WDR41: variants seen among roughly 807,000 people sequenced by gnomAD.
WDR41 encodes the protein WD repeat domain 41.
In WDR41, 63 loss-of-function variants were observed where a neutral mutation model predicts 69.3. That is an observed-to-expected ratio of 0.91 (90% CI 0.74 to 1.12). The LOEUF (loss-of-function observed/expected upper bound fraction) is 1.12. Among genes scored for constraint, WDR41 ranks in the 50% most tolerant of loss-of-function variants. The probability of loss-of-function intolerance (pLI) is 0.00; values close to 1 mark genes in which losing one functional copy is unlikely to be tolerated. For missense variants in WDR41, 543 were observed against 534.5 expected (o/e 1.02, Z -0.16); for synonymous variants, 185 against 192.1 (o/e 0.96, Z 0.31).
intron 1 of WDR41, among the ~76,000 whole-genome samples, chr5:77,588,908 C>A (rs1444757982): frequency 6.6e-6 from 1 of 152,188 alleles, no homozygotes; most frequent in East Asian, 1.9e-4. Context: ...TAGAGCACAT[C>A]ACTGCCTTCT....
intron 2 of WDR41, among the ~76,000 whole-genome samples, chr5:77,470,980 T>A (rs955223131): frequency 2.6e-5 from 4 of 152,232 alleles, no homozygotes; most frequent in African/African-American, 4.8e-5. Context: ...TACATTCTTC[T>A]CAGCATCACA....
intron 2 of WDR41, among the ~76,000 whole-genome samples, chr5:77,474,526 T>C (rs1014694518): frequency 1.3e-5 from 2 of 152,176 alleles, no homozygotes; most frequent in African/African-American, 4.8e-5. Context: ...GATAGGGACT[T>C]GTAAAGGAGT....
chr5:77,590,394 C>A (rs867140686), intron 1 of WDR41, among the ~76,000 whole-genome samples: 2 of 152,162 alleles, frequency 1.3e-5, no homozygotes, highest in Admixed American at 1.3e-4. Context: ...TTAAGACATA[C>A]AACGCCCAGA....
At chr5:77,550,426 T>C (rs185430075) in intron 1 of WDR41, among the ~76,000 whole-genome samples, 16 of 152,044 alleles carry the variant, frequency 1.1e-4, no homozygotes, top group African/African-American at 3.9e-4. Context: ...CTTTAAAAGA[T>C]AGGCAAAAGA....
intron 1 of WDR41, among the ~76,000 whole-genome samples, chr5:77,540,103 G>A (rs7729096): frequency 0.11 from 16,517 of 152,194 alleles, 1,924 homozygotes; most frequent in African/African-American, 0.27. Flanking sequence ...AACCAGCTAA[G>A]AGGGAAATGA....
intron 1 of WDR41, among the ~76,000 whole-genome samples, chr5:77,567,064 T>G (rs1370843845): frequency 6.6e-6 from 1 of 152,094 alleles, no homozygotes; most frequent in East Asian, 1.9e-4. Context: ...TAAAAACAAA[T>G]GAGGTAGAGC....
intron 1 of WDR41, among the ~76,000 whole-genome samples, chr5:77,531,798 A>T (rs1802532768): frequency 6.6e-6 from 1 of 152,046 alleles, no homozygotes; most frequent in Non-Finnish European, 1.5e-5. Context: ...TGATACATGC[A>T]ACAAGGTGGA....
chr5:77,611,007 T>C (rs1269025356), intron 1 of WDR41, among the ~76,000 whole-genome samples: 1 of 152,202 alleles, frequency 6.6e-6, no homozygotes, highest in Non-Finnish European at 1.5e-5. Context: ...GTTGCAATCC[T>C]AGTCTCTGAT....
chr5:77,531,309 C>T (rs931405058), intron 1 of WDR41, among the ~76,000 whole-genome samples: 7 of 151,812 alleles, frequency 4.6e-5, no homozygotes, highest in African/African-American at 1.5e-4. Flanking sequence ...AACTCAACAA[C>T]AAAATGACAA....
intron 1 of WDR41, among the ~76,000 whole-genome samples, chr5:77,533,416 G>A (rs1372119709): frequency 6.6e-6 from 1 of 152,164 alleles, no homozygotes; most frequent in Non-Finnish European, 1.5e-5. Context: ...TAATAGTGTT[G>A]AGTGGGAAAA....
At chr5:77,610,468 T>C (rs1216500760) in intron 1 of WDR41, among the ~76,000 whole-genome samples, 2 of 151,988 alleles carry the variant, frequency 1.3e-5, no homozygotes, top group East Asian at 3.9e-4. Flanking sequence ...CAGCAGAAAC[T>C]CTACAAGCCA....
rs144467580 is a variant in WDR41 at position 77,455,381 on chromosome 5, A to C, written c.412-1453T>G. Among the ~76,000 whole-genome samples the C allele has an allele frequency of 9.1e-3, 1,383 of 152,318 alleles. 24 individuals carry two copies. The highest frequency in any genetic ancestry group is 0.03 in the African/African-American group (1,239 of 41,574). ...ATATTGTAGACACAAGTCCCTTATC[A>C]GATATACAATTTGAAAATATTTTCT... On this transcript the variant is annotated intron_variant, in intron 5 of 12. Transcript: ENST00000296679.
intron 1 of WDR41, among the ~76,000 whole-genome samples, chr5:77,557,061 C>G (rs1743416993): frequency 6.6e-6 from 1 of 152,056 alleles, no homozygotes; most frequent in Non-Finnish European, 1.5e-5. Context: ...ATCCCTTTTA[C>G]ACACATAAAC....
At chr5:77,592,235 G>A (rs1744148739) in intron 1 of WDR41, among the ~76,000 whole-genome samples, 1 of 151,966 alleles carries the variant, frequency 6.6e-6, no homozygotes, top group African/African-American at 2.4e-5. Flanking sequence ...TTAAGGTATG[G>A]CACTATAAGC....
At chr5:77,610,417 T>A (rs1288398472) in intron 1 of WDR41, among the ~76,000 whole-genome samples, 4 of 152,212 alleles carry the variant, frequency 2.6e-5, no homozygotes, top group Non-Finnish European at 5.9e-5. Flanking sequence ...AAGGTCGGGT[T>A]ACCCACAAAG....
chr5:77,438,171 A>C, intron 10 of WDR41, 69 bp downstream of exon 10: 1 of 1,598,318 alleles, frequency 6.3e-7, no homozygotes, highest in South Asian at 1.1e-5. Flanking sequence ...GCCACTTGAG[A>C]AATTACACTG....
In WDR41 at chr5:77,520,993, C is replaced by G. The variant is rs138270539; in HGVS notation, c.43-31421G>C. Reference sequence around the variant, plus strand: ...CCACCTGAGTTTCTCATCCTCGGCCCCTGACCTTCGGGAAGCCTATATGCC... The same window carrying G: ...CCACCTGAGTTTCTCATCCTCGGCCGCTGACCTTCGGGAAGCCTATATGCC... On this transcript the variant is annotated intron_variant, in intron 1 of 5. Coordinates refer to the WDR41 transcript ENST00000509971. Among the ~76,000 whole-genome samples the G allele has an allele frequency of 2.6e-3, 400 of 152,250 alleles. 2 individuals are homozygous for G. The highest frequency in any genetic ancestry group is 6.9e-3 in the Admixed American group (106 of 15,300).
chr5:77,477,401 C>T, intron 2 of WDR41, among the ~76,000 whole-genome samples: 1 of 107,876 alleles, frequency 9.3e-6, no homozygotes, highest in African/African-American at 5.2e-5. Flanking sequence ...ACACCTATTC[C>T]AAAATTGACC....
chr5:77,544,100 A>C (rs1743145817), intron 1 of WDR41, among the ~76,000 whole-genome samples: 1 of 152,144 alleles, frequency 6.6e-6, no homozygotes, highest in Non-Finnish European at 1.5e-5. Context: ...ACAAATGCTG[A>C]AAGAATTTGC....
Sources: allele counts gnomAD v4.1 joint callset (sites outside exome capture counted in the v4.1 genomes callset), GRCh38; gene constraint gnomAD v4.1.1; transcripts MANE v1.5; gene names NCBI Gene and HGNC (gene_info 2026-07-23, HGNC 2026-07-21).